The following ECT2 variants were observed in gnomAD, a reference collection of about 807,000 sequenced individuals.
The protein encoded by ECT2 is epithelial cell transforming 2.
In ECT2, 61 loss-of-function variants were observed where a neutral mutation model predicts 116.9. The ratio of observed to expected loss-of-function variants is 0.52; its 90% confidence interval spans 0.42 to 0.65. ECT2 has a LOEUF of 0.65. Ranked by LOEUF, ECT2 falls within the 30% of genes least tolerant of loss-of-function variation. The pLI is 0.00. For synonymous variants in ECT2, 358 were observed against 346.4 expected, an observed-to-expected ratio of 1.03 and a Z score of -0.37; for missense variants, 937 against 1,078.7, an observed-to-expected ratio of 0.87 and a Z score of 1.84.
intron 23 of ECT2, 115 bp from the exon 24 acceptor site, chr3:172,816,576 G>A: frequency 1.3e-6 from 1 of 753,234 alleles, no homozygotes; most frequent in Non-Finnish European, 2.0e-6. Context: ...TTCTAATCCT[G>A]CCACATAGTA....
chr3:172,784,552 A>G (rs1431121502), intron 16 of ECT2, among the ~76,000 whole-genome samples, 155 bp from the exon 17 acceptor site: 1 of 152,148 alleles, frequency 6.6e-6, no homozygotes, highest in Non-Finnish European at 1.5e-5. Context: ...GGCCCTGAAA[A>G]ATTATTCAGC....
chr3:172,781,977 G>A (rs1170871712), intron 14 of ECT2, among the ~76,000 whole-genome samples, 186 bp from the exon 15 acceptor site: 1 of 152,118 alleles, frequency 6.6e-6, no homozygotes, highest in Non-Finnish European at 1.5e-5. Flanking sequence ...GTTTTTCAAA[G>A]GATGTTTTCT....
intron 2 of ECT2, 152 bp from the exon 3 acceptor site, chr3:172,755,143 A>G (rs745732228): frequency 3.9e-5 from 21 of 537,170 alleles, no homozygotes; most frequent in Non-Finnish European, 6.1e-5. Flanking sequence ...TATTTTTGTA[A>G]TAAGTTGGGA....
intron 15 of ECT2, 125 bp from the exon 16 acceptor site, chr3:172,783,674 A>G (rs1307863323): frequency 9.5e-6 from 6 of 633,574 alleles, no homozygotes; most frequent in Middle Eastern, 3.9e-4. Context: ...AAACATAGAA[A>G]TTTACTTTAA....
chr3:172,770,021 A>C (rs1043994696), intron 13 of ECT2, among the ~76,000 whole-genome samples: 7 of 152,340 alleles, frequency 4.6e-5, no homozygotes, highest in Admixed American at 2.6e-4. Context: ...CATTGATAAA[A>C]TACATGGATA....
rs186352045 is a variant in ECT2, at chr3:172,793,062, G to A, written c.1907+6488G>A. Among the ~76,000 whole-genome samples the A allele has an allele frequency of 2.5e-3, 382 of 152,176 alleles. 3 individuals carry two copies. The highest frequency in any genetic ancestry group is 8.8e-3 in the African/African-American group (364 of 41,506). ...GAAACTGCCAAACTGTTGGCAAGAC[G>A]GTTGTATTATTTTGCATTCCCATCA... On this transcript the variant is annotated intron_variant, in intron 18 of 24. Transcript: ENST00000392692.
At chr3:172,787,671 A>G (rs2108760036) in intron 18 of ECT2, among the ~76,000 whole-genome samples, 1 of 152,274 alleles carries the variant, frequency 6.6e-6, no homozygotes, top group South Asian at 2.1e-4. Context: ...TCAACACCTT[A>G]TGGTTTAAAA....
At chr3:172,755,428 T>C (rs1203183428) in intron 3 of ECT2, 54 bp downstream of exon 3, 6 of 1,543,926 alleles carry the variant, frequency 3.9e-6, no homozygotes, top group Non-Finnish European at 5.3e-6. Flanking sequence ...CTTCCATCAG[T>C]GTGTAAATAG....
chr3:172,797,041 T>TGTGTGTGTGTGTGTGA (rs1553766479), intron 18 of ECT2, among the ~76,000 whole-genome samples: 1 of 151,694 alleles, frequency 6.6e-6, no homozygotes, highest in African/African-American at 2.4e-5. Flanking sequence ...TGTGTGTGTG[T>TGTGTGTGTGTGTGTGA]GTGTGTGTGT....
At chr3:172,760,497 C>T (rs1718035376) in intron 7 of ECT2, among the ~76,000 whole-genome samples, 1 of 151,294 alleles carries the variant, frequency 6.6e-6, no homozygotes, top group Admixed American at 6.6e-5. Flanking sequence ...ACCCAGGCTG[C>T]TTTCGAACTC....
At chr3:172,790,633 G>T (rs1371309615) in intron 18 of ECT2, among the ~76,000 whole-genome samples, 1 of 152,174 alleles carries the variant, frequency 6.6e-6, no homozygotes, top group Non-Finnish European at 1.5e-5. Context: ...ATCTGTGGCA[G>T]CTATAGCCTT....
intron 1 of ECT2, among the ~76,000 whole-genome samples, chr3:172,753,533 A>G (rs1716350482): frequency 6.6e-6 from 1 of 152,206 alleles, no homozygotes. Context: ...GTTTTGTCAA[A>G]CCTTTTAGGG....
chr3:172,764,630 GAA>G (rs1005244564), intron 12 of ECT2, 130 bp downstream of exon 12: 3 of 803,216 alleles, frequency 3.7e-6, no homozygotes, highest in African/African-American at 3.5e-5. Flanking sequence ...TAGCTGTAGA[GAA>G]AAGACACATG....
intron 12 of ECT2, among the ~76,000 whole-genome samples, chr3:172,765,800 C>G (rs1000412511): frequency 1.3e-5 from 2 of 152,106 alleles, no homozygotes; most frequent in Non-Finnish European, 2.9e-5. Context: ...TGGTATTATG[C>G]TCTCTAATAA....
At chr3:172,753,254 C>T (rs552719070) in intron 1 of ECT2, among the ~76,000 whole-genome samples, 1 of 152,228 alleles carries the variant, frequency 6.6e-6, no homozygotes, top group African/African-American at 2.4e-5. Flanking sequence ...CTGCCACCCA[C>T]ACCTGGCTAA....
chr3:172,756,667 T>C (rs929827580), intron 4 of ECT2, among the ~76,000 whole-genome samples: 4 of 152,200 alleles, frequency 2.6e-5, no homozygotes, highest in Non-Finnish European at 5.9e-5. Flanking sequence ...AGCATTCTAA[T>C]TTTATGGAAC....
At chr3:172,780,166 T>C (rs1440040688) in intron 14 of ECT2, among the ~76,000 whole-genome samples, 5 of 152,178 alleles carry the variant, frequency 3.3e-5, no homozygotes, top group Admixed American at 2.0e-4. Flanking sequence ...CATATAGATA[T>C]ACTATTTGAT....
intron 14 of ECT2, among the ~76,000 whole-genome samples, chr3:172,778,153 G>A (rs1049877802): frequency 6.6e-6 from 1 of 152,140 alleles, no homozygotes; most frequent in Admixed American, 6.5e-5. Context: ...AAGTAGCTTA[G>A]CTTTCTTAAG....
At chr3:172,760,691 A>T (rs1204102878) in intron 7 of ECT2, among the ~76,000 whole-genome samples, 1 of 142,174 alleles carries the variant, frequency 7.0e-6, no homozygotes, top group Non-Finnish European at 1.5e-5. Flanking sequence ...GAAAGTAGGG[A>T]ATTTACTCTT....
Sources: allele counts gnomAD v4.1 joint callset (sites outside exome capture counted in the v4.1 genomes callset), GRCh38; gene constraint gnomAD v4.1.1; transcripts MANE v1.5; gene names NCBI Gene and HGNC (gene_info 2026-07-23, HGNC 2026-07-21).